Variants in CELF2 observed in about 807,000 individuals in gnomAD.
CELF2 encodes the protein CUG triplet repeat RNA-binding protein 2.
A neutral mutation model predicts 62.6 loss-of-function variants in CELF2; 8 were observed. That is an observed-to-expected ratio of 0.13 (90% confidence interval 0.07 to 0.23). The LOEUF is 0.23. Among genes scored for constraint, CELF2 ranks in the 10% least tolerant of loss-of-function variants. CELF2 has a pLI of 1.00. For missense variants in CELF2, 333 were observed against 671.0 expected, an observed-to-expected ratio of 0.50 and a Z score of 5.56; for synonymous variants, 258 against 250.0, an observed-to-expected ratio of 1.03 and a Z score of -0.30.
At chr10:11,320,911 A>T (rs1565977800) in intron 10 of CELF2, 1 of 1,548,212 alleles carries the variant, frequency 6.5e-7, no homozygotes, top group South Asian at 1.2e-5. Flanking sequence ...ACTTGCCAGT[A>T]GCACGCTGCA....
At position 11,217,657 on chromosome 10, in the gene CELF2, C is replaced by A; in HGVS notation, c.354+150C>A. The A allele has an allele frequency of 1.8e-6, 1 of 552,166 alleles. No homozygotes were observed. Among genetic ancestry groups the A allele is most frequent in the Non-Finnish European group, 3.2e-6 (1 of 310,506 alleles). 34.2% of individuals were successfully genotyped at this position (552,166 alleles called of 1,614,324 possible). ...ACCCCCCAGTTCCCTGCAGCAGCCA[C>A]ACCAGCTGGCCAGCCCATAAAGGAG... On this transcript the variant is annotated intron_variant, in intron 3 of 12. Coordinates refer to ENST00000633077, the MANE Select transcript of CELF2 (RefSeq NM_001326342.2). The surrounding 1 kb of genome is among the most constrained non-coding windows in gnomAD (Gnocchi z 5.6).
At chr10:10,829,137 C>T (rs916579116) in intron 1 of CELF2, among the ~76,000 whole-genome samples, 1 of 152,220 alleles carries the variant, frequency 6.6e-6, no homozygotes, top group African/African-American at 2.4e-5. Flanking sequence ...CTTATCTTCT[C>T]ACCATAGTTA....
At chr10:10,682,351 C>T in the CELF2 span, among the ~76,000 whole-genome samples, 13 of 152,312 alleles carry the variant, frequency 8.5e-5, no homozygotes, top group Non-Finnish European at 1.2e-4. Context: ...ATTGCTTCAC[C>T]GTTTTTCTTA....
chr10:10,958,898 T>C (rs1564265520), intron 2 of CELF2, among the ~76,000 whole-genome samples: 1 of 151,982 alleles, frequency 6.6e-6, no homozygotes, highest in East Asian at 1.9e-4. Context: ...TCACAAGGTA[T>C]GTATGTATGG....
the CELF2 span, among the ~76,000 whole-genome samples, chr10:10,644,213 A>G: frequency 6.6e-6 from 1 of 152,174 alleles, no homozygotes; most frequent in African/African-American, 2.4e-5. Context: ...AGTGGGTGAA[A>G]TGGATATTAG....
Position 10,957,956 on chromosome 10 carries a change from G to A in CELF2, c.89+37957G>A, listed in dbSNP as rs145416815. On this transcript the variant is annotated intron_variant, in intron 2 of 13. Transcript: ENST00000636488. The surrounding 1 kb of genome is among the most constrained non-coding windows in gnomAD (Gnocchi z 4.1). ...TTTTTGTTATGTGTTTCAGAGGAGCGCTATGACTTAAGGAATGTATATGAA... is the reference window on the plus strand; with the variant it reads ...TTTTTGTTATGTGTTTCAGAGGAGCACTATGACTTAAGGAATGTATATGAA... Among the ~76,000 whole-genome samples the A allele has an allele frequency of 7.9e-4, 120 of 152,288 alleles. 2 individuals are homozygous for A. The highest frequency in any genetic ancestry group is 1.5e-3 in the Non-Finnish European group (100 of 68,028).
At chr10:10,485,487 C>T in the CELF2 span, among the ~76,000 whole-genome samples, 2 of 152,194 alleles carry the variant, frequency 1.3e-5, no homozygotes, top group South Asian at 2.1e-4. Context: ...AACAATCAGA[C>T]AAATACATGC....
the CELF2 span, among the ~76,000 whole-genome samples, chr10:10,687,476 C>T: frequency 1.7e-4 from 26 of 152,202 alleles, no homozygotes; most frequent in East Asian, 3.9e-3. Context: ...ATACTGAGAA[C>T]ACAAGCCTTT....
In CELF2 at chr10:11,270,560, C is replaced by G; in HGVS notation, c.619-106C>G. 1 of 968,376 alleles carries G rather than the reference C, an allele frequency of 1.0e-6. No individual in the cohort carries two copies. The highest frequency in any genetic ancestry group is 1.4e-6 in the Non-Finnish European group (1 of 701,350). The allele number at this position is 968,376 out of a possible 1,614,324, so 60.0% of individuals were successfully genotyped here. A position where few individuals can be genotyped will look rare whatever the true frequency, so the allele number is the denominator to read the frequency against. On this transcript the variant is annotated intron_variant, in intron 6 of 12. Coordinates refer to ENST00000633077, the MANE Select transcript of CELF2 (RefSeq NM_001326342.2). The surrounding 1 kb of genome is among the most constrained non-coding windows in gnomAD (Gnocchi z 5.8). ...CGTTTTAAACCATTTCAGCCCATTC[C>G]ATGTGCTCCAGGCTAGTGCAGAAAG...
chr10:10,586,721 C>T, the CELF2 span, among the ~76,000 whole-genome samples: 4,839 of 152,168 alleles, frequency 0.032, 159 homozygotes, highest in East Asian at 0.099. Context: ...GGTTCCTAAC[C>T]TGAATATACA....
chr10:10,887,180 A>G (rs1483147681), intron 1 of CELF2, among the ~76,000 whole-genome samples: 1 of 151,494 alleles, frequency 6.6e-6, no homozygotes, highest in African/African-American at 2.4e-5. Flanking sequence ...GTAGACTGCC[A>G]ATCCAACTTG....
chr10:10,958,911 C>G (rs2049183174), intron 2 of CELF2, among the ~76,000 whole-genome samples: 1 of 152,004 alleles, frequency 6.6e-6, no homozygotes, highest in Non-Finnish European at 1.5e-5. Context: ...ATGTATGGCG[C>G]TTTGGTTGAC....
the CELF2 span, among the ~76,000 whole-genome samples, chr10:10,579,109 A>T: frequency 6.6e-6 from 1 of 152,308 alleles, no homozygotes; most frequent in East Asian, 1.9e-4. Flanking sequence ...TTAATTAATG[A>T]TTGAAGAAAA....
intron 1 of CELF2, among the ~76,000 whole-genome samples, chr10:10,807,700 G>A (rs1486171380): frequency 1.3e-5 from 2 of 152,166 alleles, no homozygotes; most frequent in African/African-American, 4.8e-5. Context: ...CCAGAAAATA[G>A]AGTATTAAAG....
intron 5 of CELF2, among the ~76,000 whole-genome samples, chr10:11,258,679 G>T (rs2079530743): frequency 6.6e-6 from 1 of 152,168 alleles, no homozygotes; most frequent in African/African-American, 2.4e-5. Flanking sequence ...TCAGTCCAAG[G>T]TGGAAATGTA....
chr10:10,808,931 A>T (rs2055538803), intron 1 of CELF2, among the ~76,000 whole-genome samples: 1 of 152,212 alleles, frequency 6.6e-6, no homozygotes, highest in African/African-American at 2.4e-5. Flanking sequence ...GCTCATTTTT[A>T]AAAATTTTAT....
At chr10:10,635,037 C>A in the CELF2 span, among the ~76,000 whole-genome samples, 9,427 of 152,142 alleles carry the variant, frequency 0.062, 338 homozygotes, top group Admixed American at 0.092. Flanking sequence ...CAAAGGGTGG[C>A]AAACCAGCAA....
the CELF2 span, among the ~76,000 whole-genome samples, chr10:10,491,665 A>G: frequency 1.3e-5 from 2 of 152,290 alleles, no homozygotes; most frequent in African/African-American, 4.8e-5. Context: ...TCTCTGAAAC[A>G]AAAAGTTTGT....
chr10:11,078,486 A>G (rs2072867870), intron 1 of CELF2, among the ~76,000 whole-genome samples: 1 of 152,150 alleles, frequency 6.6e-6, no homozygotes, highest in Non-Finnish European at 1.5e-5. Flanking sequence ...CCTTGGCCTC[A>G]TTTTAATGCT....
Sources: gnomAD v4.1 joint callset for allele counts (sites outside exome capture counted in the v4.1 genomes callset) on GRCh38, gnomAD v4.1.1 for gene constraint, Gnocchi (gnomAD v3.1) non-coding constraint, MANE v1.5 for transcripts, NCBI Gene and HGNC (gene_info 2026-07-23, HGNC 2026-07-21) for gene names.